The following GPHN variants were observed in gnomAD, a reference collection of about 807,000 sequenced individuals.
The protein encoded by GPHN is gephyrin.
GPHN carries 17 observed loss-of-function variants against 95.5 expected under a neutral mutation model. That is an observed-to-expected ratio of 0.18 (90% CI 0.12 to 0.27). The LOEUF is 0.27. Among genes scored for constraint, GPHN ranks in the 10% least tolerant of loss-of-function variants. The pLI, the probability that GPHN is intolerant of heterozygous loss-of-function variation, is 1.00. For synonymous variants in GPHN, 320 were observed against 322.5 expected (o/e 0.99, Z 0.08); for missense variants, 660 against 978.1 (o/e 0.67, Z 4.34).
At chr14:67,279,540 A>G in the GPHN span, 3 of 1,521,416 alleles carry the variant, frequency 2.0e-6, no homozygotes, top group Non-Finnish European at 2.6e-6. Context: ...AATATTAGGT[A>G]AGTAAAAATA....
At chr14:67,659,583 C>G in the GPHN span, 1 of 751,678 alleles carries the variant, frequency 1.3e-6, no homozygotes, top group African/African-American at 1.8e-5. Context: ...GTAACAGGAA[C>G]TGGATGCAGA....
chr14:67,501,084 T>TAATAAA, the GPHN span, among the ~76,000 whole-genome samples: 3 of 141,840 alleles, frequency 2.1e-5, no homozygotes, highest in Non-Finnish European at 4.6e-5. Context: ...ATAATAATAA[T>TAATAAA]AAAGAAAATG....
chr14:67,111,986 C>G, intron 15 of GPHN, 67 bp downstream of exon 15: 1 of 1,183,544 alleles, frequency 8.4e-7, no homozygotes, highest in Non-Finnish European at 1.3e-6. Flanking sequence ...CTCAGGAAAC[C>G]CTGGCTACTA....
the GPHN span, among the ~76,000 whole-genome samples, chr14:67,217,140 T>G: frequency 6.6e-6 from 1 of 152,040 alleles, no homozygotes; most frequent in Middle Eastern, 3.4e-3. Context: ...ATTGATCCGT[T>G]TATAACTATA....
chr14:66,678,363 T>C (rs913801742), intron 1 of GPHN, among the ~76,000 whole-genome samples: 9 of 151,910 alleles, frequency 5.9e-5, no homozygotes. Context: ...ATCTAGTCGA[T>C]TGTTGAAGCT....
At chr14:66,598,838 CAAAA>C (rs375173931) in intron 1 of GPHN, among the ~76,000 whole-genome samples, 5 of 103,710 alleles carry the variant, frequency 4.8e-5, no homozygotes, top group Admixed American at 9.2e-5. Context: ...GACTCTGTCT[CAAAA>C]AAAAAAAAAA....
At chr14:66,736,103 G>C (rs1219348775) in intron 2 of GPHN, among the ~76,000 whole-genome samples, 1 of 152,072 alleles carries the variant, frequency 6.6e-6, no homozygotes, top group Non-Finnish European at 1.5e-5. Context: ...AAGGAACAAA[G>C]ATCTACTATA....
chr14:67,009,522 T>C (rs1474323857), intron 9 of GPHN, among the ~76,000 whole-genome samples: 1 of 152,142 alleles, frequency 6.6e-6, no homozygotes, highest in Non-Finnish European at 1.5e-5. Context: ...GTTACAGACT[T>C]GTGAATCTAG....
intron 13 of GPHN, among the ~76,000 whole-genome samples, chr14:67,104,393 C>A (rs934482466): frequency 6.6e-6 from 1 of 152,096 alleles, no homozygotes; most frequent in Non-Finnish European, 1.5e-5. Flanking sequence ...TGGAAGAATT[C>A]CTTCCTCTTC....
At chr14:67,357,560 CAAAGT>C in the GPHN span, among the ~76,000 whole-genome samples, 2 of 152,172 alleles carry the variant, frequency 1.3e-5, no homozygotes, top group East Asian at 1.9e-4. Flanking sequence ...CTCTTAGTCT[CAAAGT>C]AAAAGTTTCA....
chr14:67,590,263 T>C, the GPHN span: 6 of 1,159,394 alleles, frequency 5.2e-6, no homozygotes, highest in Non-Finnish European at 5.8e-6. Context: ...TTTTTTTTTT[T>C]TTTTTTTGAG....
chr14:67,341,591 C>A, the GPHN span, among the ~76,000 whole-genome samples: 1 of 151,530 alleles, frequency 6.6e-6, no homozygotes, highest in Non-Finnish European at 1.5e-5. Context: ...AGGCCAGCCA[C>A]CCTGTCCGGG....
At chr14:67,196,575 G>A in the GPHN span, among the ~76,000 whole-genome samples, 6 of 152,158 alleles carry the variant, frequency 3.9e-5, no homozygotes, top group Admixed American at 2.0e-4. Context: ...TCAGGTAATC[G>A]TAAGGAGCAC....
At chr14:67,440,914 T>C in the GPHN span, among the ~76,000 whole-genome samples, 1 of 152,140 alleles carries the variant, frequency 6.6e-6, no homozygotes, top group Non-Finnish European at 1.5e-5. Context: ...AGGCTAAATA[T>C]TGATCCTAAC....
At chr14:66,825,265 A>G (rs2061348245) in intron 4 of GPHN, among the ~76,000 whole-genome samples, 1 of 152,106 alleles carries the variant, frequency 6.6e-6, no homozygotes, top group Non-Finnish European at 1.5e-5. Flanking sequence ...ACCACTTGTG[A>G]CATTGTTTCC....
chr14:66,729,523 G>A (rs2071571206), intron 2 of GPHN, among the ~76,000 whole-genome samples: 1 of 152,218 alleles, frequency 6.6e-6, no homozygotes, highest in African/African-American at 2.4e-5. Flanking sequence ...AGTTGCCTGA[G>A]GTAGAGGGAA....
chr14:67,667,812 T>C, the GPHN span, among the ~76,000 whole-genome samples: 1 of 151,890 alleles, frequency 6.6e-6, no homozygotes, highest in Admixed American at 6.6e-5. Context: ...GGCGTGGTGG[T>C]GGGCGCCTGT....
chr14:67,202,785 TAAGTC>T, the GPHN span, among the ~76,000 whole-genome samples: 1 of 152,234 alleles, frequency 6.6e-6, no homozygotes, highest in Non-Finnish European at 1.5e-5. Flanking sequence ...CACTCTAAGC[TAAGTC>T]AAGTCCTCTG....
the GPHN span, among the ~76,000 whole-genome samples, chr14:67,498,281 T>TG: frequency 6.6e-6 from 1 of 152,186 alleles, no homozygotes; most frequent in Admixed American, 6.5e-5. Context: ...TGAGCCACGA[T>TG]GGGGGGTGGG....
Sources: gnomAD v4.1 joint callset for allele counts (sites outside exome capture counted in the v4.1 genomes callset) on GRCh38, gnomAD v4.1.1 for gene constraint, MANE v1.5 for transcripts, NCBI Gene and HGNC (gene_info 2026-07-23, HGNC 2026-07-21) for gene names.